SPTBN1: variants seen among roughly 807,000 people sequenced by gnomAD.
The protein encoded by SPTBN1 is spectrin beta chain, non-erythrocytic 1.
A neutral mutation model predicts 266.4 loss-of-function variants in SPTBN1; 32 were observed. The observed-to-expected ratio is 0.12, with a 90% CI of 0.09 to 0.16. SPTBN1 has a LOEUF of 0.16. SPTBN1 is among the 10% of genes least tolerant of loss of function. The pLI, the probability that SPTBN1 is intolerant of heterozygous loss-of-function variation, is 1.00. For synonymous variants in SPTBN1, 1,336 were observed against 1,162.2 expected, an observed-to-expected ratio of 1.15 and a Z score of -3.04; for missense variants, 2,296 against 3,067.1, an observed-to-expected ratio of 0.75 and a Z score of 5.94.
intron 16 of SPTBN1, 118 bp downstream of exon 16, chr2:54,631,729 T>G (rs767839484): frequency 6.8e-5 from 91 of 1,328,714 alleles, no homozygotes; most frequent in Non-Finnish European, 9.0e-5. Flanking sequence ...TATGGATAAT[T>G]TAGAGACTGA....
In SPTBN1 at chr2:54,484,477, C is replaced by T. The variant is rs748338719; in HGVS notation, c.-48+27959C>T. ...ATTTTCTATATTCTCTTTCCTCAAG[C>T]TCAGAGAGCAAGGTAGGAAATGTTA... On this transcript the variant is annotated intron_variant, in intron 1 of 35. Transcript: ENST00000356805. Among the ~76,000 whole-genome samples the T allele has an allele frequency of 1.1e-3, 162 of 152,236 alleles. No individual in the cohort carries two copies. The Middle Eastern group carries it at 0.021, about 19-fold the overall frequency.
intron 1 of SPTBN1, among the ~76,000 whole-genome samples, chr2:54,480,034 T>C (rs938007424): frequency 2.0e-5 from 3 of 152,212 alleles, no homozygotes; most frequent in African/African-American, 4.8e-5. Context: ...CTTAATTGCT[T>C]GCTTTATCTG....
At chr2:54,556,466 G>A (rs28679552) in intron 2 of SPTBN1, among the ~76,000 whole-genome samples, 5,636 of 152,298 alleles carry the variant, frequency 0.037, 350 homozygotes, top group African/African-American at 0.12. Context: ...GGGAGATACT[G>A]AGTGGTGACT....
intron 2 of SPTBN1, among the ~76,000 whole-genome samples, chr2:54,564,954 A>AT (rs1382945052): frequency 6.6e-6 from 1 of 152,226 alleles, no homozygotes; most frequent in African/African-American, 2.4e-5. Context: ...AAAGAGCAAA[A>AT]TTAATGAAGT....
intron 1 of SPTBN1, among the ~76,000 whole-genome samples, chr2:54,508,339 A>T (rs112327717): frequency 0.029 from 4,491 of 152,308 alleles, 106 homozygotes; most frequent in Non-Finnish European, 0.04. Context: ...GACTCGAGGC[A>T]TGTGAGTAAA....
rs1204617694 is a variant in SPTBN1, at chr2:54,624,960, C to G, written c.1339C>G (p.Gln447Glu). The G allele has an allele frequency of 1.3e-6, 2 of 1,599,082 alleles. No individual in the cohort carries two copies. The highest frequency in any genetic ancestry group is 1.7e-6 in the Non-Finnish European group (2 of 1,173,520). ...GAGCGAAAACCAGCGTCTGGTGTCT[C>G]AGGTTCTGCTCTTGACATTATTAAA... ...WLSENQRLVS[Q>E]DNFGFDLPAV... The change falls in exon 11 of 36, where the codon CAG becomes GAG. Residue 447 changes from glutamine (Q) to glutamate (E), a missense_variant and splice_region_variant. Gln to Glu is a conservative substitution (Grantham distance 29). Transcript: ENST00000356805.
At chr2:54,565,915 A>G (rs192360710) in intron 2 of SPTBN1, among the ~76,000 whole-genome samples, 9 of 152,374 alleles carry the variant, frequency 5.9e-5, no homozygotes, top group African/African-American at 2.2e-4. Flanking sequence ...TAAATATAGT[A>G]CAGCAATTCA....
At chr2:54,603,964 C>T (rs1047064135) in intron 3 of SPTBN1, among the ~76,000 whole-genome samples, 2 of 152,228 alleles carry the variant, frequency 1.3e-5, no homozygotes, top group Non-Finnish European at 2.9e-5. Context: ...GTCCTCTGTC[C>T]TGCAACACCC....
chr2:54,476,524 A>G (rs984364237), intron 1 of SPTBN1, among the ~76,000 whole-genome samples: 1 of 152,214 alleles, frequency 6.6e-6, no homozygotes, highest in African/African-American at 2.4e-5. Flanking sequence ...TCTTTAGTGA[A>G]GGTCGTCTCC....
chr2:54,570,708 T>C (rs1212960163), intron 2 of SPTBN1, among the ~76,000 whole-genome samples: 1 of 152,242 alleles, frequency 6.6e-6, no homozygotes, highest in Admixed American at 6.5e-5. Flanking sequence ...CAGCTAAGAT[T>C]GTAGAAGACC....
At chr2:54,473,308 CAT>C (rs1256361048) in intron 1 of SPTBN1, among the ~76,000 whole-genome samples, 8 of 152,284 alleles carry the variant, frequency 5.3e-5, no homozygotes, top group African/African-American at 1.9e-4. Context: ...GTTTTTATAA[CAT>C]AGAAAAATAT....
chr2:54,510,918 T>G (rs1669825635), intron 1 of SPTBN1, among the ~76,000 whole-genome samples: 1 of 152,268 alleles, frequency 6.6e-6, no homozygotes, highest in African/African-American at 2.4e-5. Flanking sequence ...TGCAGTCATT[T>G]GAGCGATAGT....
At position 54,648,889 on chromosome 2, in the gene SPTBN1, A is replaced by G. The variant is rs999361201; in HGVS notation, c.4998-97A>G. On this transcript the variant is annotated intron_variant, in intron 24 of 35. Transcript: ENST00000356805. ...AGTTTCCTTTGAGAAATATGATGTA[A>G]TATGCTCTCCCATTATCTCCACCTC... The G allele has an allele frequency of 9.6e-6, 11 of 1,139,994 alleles. No homozygotes were observed. The African/African-American group carries it at 1.1e-4, about 11-fold the overall frequency. 70.6% of individuals were successfully genotyped at this position (1,139,994 alleles called of 1,614,324 possible). A position where few individuals can be genotyped will look rare whatever the true frequency, so the allele number is the denominator to read the frequency against.
intron 1 of SPTBN1, among the ~76,000 whole-genome samples, chr2:54,487,358 C>T (rs555381241): frequency 7.2e-5 from 11 of 151,846 alleles, no homozygotes; most frequent in African/African-American, 1.9e-4. Flanking sequence ...CTAATTACTG[C>T]GCACCTTTGA....
chr2:54,645,502 C>G lies in SPTBN1; in HGVS notation c.4494+49C>G, dbSNP rs1036397069. The G allele has an allele frequency of 2.5e-6, 4 of 1,584,768 alleles. No individual in the cohort carries two copies. The African/African-American group carries it at 4.0e-5, about 16-fold the overall frequency. Reference sequence around the variant, plus strand: ...ATGGCTTTTCCACGAGCCCCCTTGCCTGTGCTAAAGCCCACATTCTCACTT... The same window carrying G: ...ATGGCTTTTCCACGAGCCCCCTTGCGTGTGCTAAAGCCCACATTCTCACTT... On this transcript the variant is annotated intron_variant, in intron 21 of 35. Coordinates refer to ENST00000356805, the MANE Select transcript of SPTBN1 (RefSeq NM_003128.3). The surrounding 1 kb of genome is among the most constrained non-coding windows in gnomAD (Gnocchi z 4.3).
chr2:54,602,826 C>T (rs1450288350), intron 3 of SPTBN1, among the ~76,000 whole-genome samples: 1 of 152,172 alleles, frequency 6.6e-6, no homozygotes, highest in Non-Finnish European at 1.5e-5. Flanking sequence ...TGTTAAGCCT[C>T]AAATCCCACG....
chr2:54,604,526 C>A (rs759820419), intron 3 of SPTBN1, among the ~76,000 whole-genome samples: 1 of 152,168 alleles, frequency 6.6e-6, no homozygotes, highest in Non-Finnish European at 1.5e-5. Context: ...TCACCCAGCC[C>A]CCTCCTTCCT....
At chr2:54,644,740 A>C in intron 20 of SPTBN1, 154 bp downstream of exon 20, 1 of 1,016,790 alleles carries the variant, frequency 9.8e-7, no homozygotes, top group South Asian at 1.8e-5. Flanking sequence ...GCATCGTAGA[A>C]CATTTCCAGA....
chr2:54,493,264 C>T (rs1052928517), intron 1 of SPTBN1, among the ~76,000 whole-genome samples: 1 of 152,108 alleles, frequency 6.6e-6, no homozygotes, highest in Non-Finnish European at 1.5e-5. Flanking sequence ...CCTCAGCCTC[C>T]CAAAGTGTTG....
Sources: allele counts gnomAD v4.1 joint callset (sites outside exome capture counted in the v4.1 genomes callset), GRCh38; gene constraint gnomAD v4.1.1; non-coding constraint Gnocchi (gnomAD v3.1); transcripts MANE v1.5; gene names NCBI Gene and HGNC (gene_info 2026-07-23, HGNC 2026-07-21).